RBFOX1: variants seen among roughly 807,000 people sequenced by gnomAD.
RBFOX1 encodes the protein RNA binding protein fox-1 homolog 1.
Under a neutral mutation model 57.7 loss-of-function variants are expected in RBFOX1, and 8 were observed. The observed-to-expected ratio is 0.14, with a 90% confidence interval of 0.08 to 0.25. The LOEUF is 0.25. RBFOX1 is among the 10% of genes least tolerant of loss of function. The pLI is 1.00. For missense variants in RBFOX1, 611 were observed against 548.5 expected, an observed-to-expected ratio of 1.11 and a Z score of -1.14; for synonymous variants, 326 against 222.4, an observed-to-expected ratio of 1.47 and a Z score of -4.15.
chr16:6,152,819 C>G (rs1053460456), intron 1 of RBFOX1, among the ~76,000 whole-genome samples: 1 of 152,088 alleles, frequency 6.6e-6, no homozygotes, highest in Non-Finnish European at 1.5e-5. Flanking sequence ...AAAATGCCCT[C>G]TTAGAGATGA....
Position 6,224,657 on chromosome 16 carries a change from G to T in RBFOX1, c.-126-92338G>T, listed in dbSNP as rs149870627. On this transcript the variant is annotated intron_variant, in intron 1 of 15. Coordinates refer to ENST00000550418, the MANE Select transcript of RBFOX1 (RefSeq NM_018723.4). ...TACCACCTACTCTAGAAAGAGATGA[G>T]ATTATCAATCTAATTGAATGTGTGT... is the stretch of plus-strand genomic sequence containing the variant. Among the ~76,000 whole-genome samples the T allele has an allele frequency of 2.4e-3, 359 of 152,260 alleles. 2 individuals are homozygous for T. Among genetic ancestry groups the T allele is most frequent in the African/African-American group, 7.9e-3 (327 of 41,558 alleles).
intron 4 of RBFOX1, among the ~76,000 whole-genome samples, chr16:7,072,181 T>G (rs1468150852): frequency 6.6e-6 from 1 of 152,222 alleles, no homozygotes; most frequent in African/African-American, 2.4e-5. Flanking sequence ...TAGCACTTTC[T>G]TCTTTCCCCA....
chr16:5,282,744 A>G (rs1006306510), intron 1 of RBFOX1, among the ~76,000 whole-genome samples: 1 of 152,184 alleles, frequency 6.6e-6, no homozygotes, highest in South Asian at 2.1e-4. Context: ...TGTTAAAGGC[A>G]CTCAGTTTTA....
intron 2 of RBFOX1, among the ~76,000 whole-genome samples, chr16:6,361,093 A>T (rs1027604731): frequency 6.6e-6 from 1 of 152,146 alleles, no homozygotes; most frequent in Non-Finnish European, 1.5e-5. Context: ...TCAGCAATGC[A>T]TTGCCACTTT....
At chr16:5,814,001 G>C (rs1253471084) in intron 3 of RBFOX1, among the ~76,000 whole-genome samples, 1 of 152,238 alleles carries the variant, frequency 6.6e-6, no homozygotes, top group Admixed American at 6.5e-5. Flanking sequence ...AATACAAGAA[G>C]TAACTTATTT....
chr16:5,919,979 C>A (rs1182972993), intron 4 of RBFOX1, among the ~76,000 whole-genome samples: 1 of 152,152 alleles, frequency 6.6e-6, no homozygotes, highest in Non-Finnish European at 1.5e-5. Context: ...CGCACTGTCG[C>A]CCAGGCTGGA....
At chr16:6,611,922 G>C (rs113327229) in intron 2 of RBFOX1, among the ~76,000 whole-genome samples, 1 of 152,098 alleles carries the variant, frequency 6.6e-6, no homozygotes, top group Non-Finnish European at 1.5e-5. Context: ...GGTTGCAAGG[G>C]TTTTGGTAGC....
At chr16:6,561,925 C>A (rs557076481) in intron 2 of RBFOX1, among the ~76,000 whole-genome samples, 1 of 152,212 alleles carries the variant, frequency 6.6e-6, no homozygotes, top group Admixed American at 6.5e-5. Context: ...TCACTCTGGC[C>A]TAGGTAAGTC....
At chr16:5,429,981 G>A (rs1002693545) in intron 1 of RBFOX1, among the ~76,000 whole-genome samples, 2 of 152,182 alleles carry the variant, frequency 1.3e-5, no homozygotes, top group African/African-American at 2.4e-5. Context: ...CACTGAAGGA[G>A]GCAGAGAGGA....
chr16:6,877,659 C>T (rs554415097), intron 3 of RBFOX1, among the ~76,000 whole-genome samples: 1 of 152,176 alleles, frequency 6.6e-6, no homozygotes, highest in Non-Finnish European at 1.5e-5. Context: ...CAAGCCCATA[C>T]TGAGAATCAG....
At chr16:5,510,022 C>T (rs1005572566) in intron 2 of RBFOX1, among the ~76,000 whole-genome samples, 6 of 152,332 alleles carry the variant, frequency 3.9e-5, no homozygotes, top group African/African-American at 7.2e-5. Flanking sequence ...CCACGCCCTA[C>T]CCCTGGGCGC....
chr16:7,461,964 G>A (rs2150565150), intron 4 of RBFOX1, among the ~76,000 whole-genome samples: 1 of 152,310 alleles, frequency 6.6e-6, no homozygotes, highest in African/African-American at 2.4e-5. Flanking sequence ...CTCCTGTGAG[G>A]TGAACGGATG....
chr16:5,940,192 G>C (rs1468802678), intron 4 of RBFOX1, among the ~76,000 whole-genome samples: 1 of 152,184 alleles, frequency 6.6e-6, no homozygotes. Context: ...GGAGACACTA[G>C]AGTAACCATT....
intron 2 of RBFOX1, among the ~76,000 whole-genome samples, chr16:6,632,103 G>C (rs2098391947): frequency 6.6e-6 from 1 of 152,136 alleles, no homozygotes; most frequent in Non-Finnish European, 1.5e-5. Flanking sequence ...TGGTTTCTGA[G>C]TCTGTCCCTT....
chr16:7,397,106 C>T (rs572880752), intron 4 of RBFOX1, among the ~76,000 whole-genome samples: 7 of 152,214 alleles, frequency 4.6e-5, no homozygotes, highest in African/African-American at 1.7e-4. Context: ...TTTTTCAGTG[C>T]ATGAGTGATC....
intron 1 of RBFOX1, among the ~76,000 whole-genome samples, chr16:5,421,603 A>T (rs981001460): frequency 1.3e-5 from 2 of 152,084 alleles, no homozygotes; most frequent in African/African-American, 4.8e-5. Flanking sequence ...CCAAGAAGAA[A>T]ATCAATCACC....
intron 2 of RBFOX1, among the ~76,000 whole-genome samples, chr16:6,418,927 C>T (rs1444469208): frequency 6.6e-6 from 1 of 152,112 alleles, no homozygotes; most frequent in Non-Finnish European, 1.5e-5. Flanking sequence ...CGTTGTATTG[C>T]AATTACTGGG....
In RBFOX1 at chr16:6,123,542, A is replaced by C. The variant is rs4786821; in HGVS notation, c.-127+103550A>C. On this transcript the variant is annotated intron_variant, in intron 1 of 15. Coordinates refer to ENST00000550418, the MANE Select transcript of RBFOX1 (RefSeq NM_018723.4). ...TATTGTTTAGTGAATTCAGAGTCTC[A>C]GTATGGGAAGATGATAAAATTATGG... 9.3e-3 allele frequency among the ~76,000 whole-genome samples: 1,416 copies of C among 152,216 alleles called. 26 individuals carry two copies. Among genetic ancestry groups the C allele is most frequent in the African/African-American group, 0.032 (1,311 of 41,542 alleles).
At chr16:6,900,543 C>T (rs2068211059) in intron 3 of RBFOX1, among the ~76,000 whole-genome samples, 1 of 152,192 alleles carries the variant, frequency 6.6e-6, no homozygotes, top group African/African-American at 2.4e-5. Flanking sequence ...CACTCATCTG[C>T]TTCTCCCCTT....
Sources: gnomAD v4.1 joint callset for allele counts (sites outside exome capture counted in the v4.1 genomes callset) on GRCh38, gnomAD v4.1.1 for gene constraint, MANE v1.5 for transcripts, NCBI Gene and HGNC (gene_info 2026-07-23, HGNC 2026-07-21) for gene names.